TAFA2: variants seen among roughly 807,000 people sequenced by gnomAD.
The protein encoded by TAFA2 is chemokine-like protein TAFA-2.
In TAFA2, 7 loss-of-function variants were observed where a neutral mutation model predicts 18.8. That is an observed-to-expected ratio of 0.37 (90% CI 0.21 to 0.70). The LOEUF is 0.70. Among genes scored for constraint, TAFA2 ranks in the 30% least tolerant of loss-of-function variants. TAFA2 has a pLI of 0.53. For missense variants in TAFA2, 122 were observed against 158.1 expected (o/e 0.77, Z 1.23); for synonymous variants, 60 against 54.2 (o/e 1.11, Z -0.47).
chr12:62,066,438 C>G (rs1163714957), intron 1 of TAFA2, among the ~76,000 whole-genome samples: 2 of 151,858 alleles, frequency 1.3e-5, no homozygotes. Flanking sequence ...TCACTTCCCC[C>G]ACTTCCCCCC....
At chr12:62,006,181 T>C (rs1312076263) in intron 1 of TAFA2, among the ~76,000 whole-genome samples, 1 of 152,228 alleles carries the variant, frequency 6.6e-6, no homozygotes, top group Non-Finnish European at 1.5e-5. Flanking sequence ...GATGATACTT[T>C]TGTTTTGTAA....
At chr12:62,135,824 C>G (rs1045543345) in intron 1 of TAFA2, 2 of 152,042 alleles carry the variant, frequency 1.3e-5, no homozygotes, top group Non-Finnish European at 2.9e-5. Context: ...GGTCAGTAGA[C>G]AGTTAAAAAG....
At position 62,005,226 on chromosome 12, in the gene TAFA2, T is replaced by C. The variant is rs1483822267; in HGVS notation, c.-1-137800A>G. Among the ~76,000 whole-genome samples the C allele has an allele frequency of 2.0e-5, 3 of 152,240 alleles. No homozygotes were observed. The East Asian group carries it at 5.8e-4, about 29-fold the overall frequency. On this transcript the variant is annotated intron_variant, in intron 1 of 4. Coordinates refer to ENST00000416284, the MANE Select transcript of TAFA2 (RefSeq NM_178539.5). Reference sequence around the variant, plus strand: ...AACTATGTGAGGTGACGGCAGTGTTTATTTGCTTGACTGTAGTAATCATTT... The same window carrying C: ...AACTATGTGAGGTGACGGCAGTGTTCATTTGCTTGACTGTAGTAATCATTT...
At chr12:61,922,425 A>G (rs1002369069) in intron 1 of TAFA2, among the ~76,000 whole-genome samples, 2 of 152,082 alleles carry the variant, frequency 1.3e-5, no homozygotes, top group Non-Finnish European at 2.9e-5. Context: ...AGGACTGGTT[A>G]AAAAGTGGGT....
chr12:62,174,193 G>T (rs1255745901), intron 1 of TAFA2, among the ~76,000 whole-genome samples: 1 of 152,162 alleles, frequency 6.6e-6, no homozygotes. Context: ...TCACACGCCT[G>T]TAGTCCCAGC....
chr12:62,004,554 AAG>A (rs927005081), intron 1 of TAFA2, among the ~76,000 whole-genome samples: 5 of 152,188 alleles, frequency 3.3e-5, no homozygotes, highest in Non-Finnish European at 7.4e-5. Flanking sequence ...GATATGAGTA[AAG>A]AGAGGGAAAA....
intron 4 of TAFA2, among the ~76,000 whole-genome samples, chr12:61,717,080 A>T (rs753421479): frequency 1.3e-5 from 2 of 152,342 alleles, no homozygotes; most frequent in East Asian, 3.9e-4. Flanking sequence ...GCTCTTACAC[A>T]TACATGAAAT....
chr12:62,150,740 C>G (rs1279993586), intron 1 of TAFA2, among the ~76,000 whole-genome samples: 1 of 151,620 alleles, frequency 6.6e-6, no homozygotes. Flanking sequence ...CCATCTCTAC[C>G]AAAAAAATAC....
At chr12:62,257,775 T>C (rs2062947665) in intron 1 of TAFA2, among the ~76,000 whole-genome samples, 1 of 152,216 alleles carries the variant, frequency 6.6e-6, no homozygotes, top group Non-Finnish European at 1.5e-5. Flanking sequence ...GCAGATATAA[T>C]CCCTGATTTA....
intron 1 of TAFA2, among the ~76,000 whole-genome samples, chr12:61,964,641 C>A (rs1200825443): frequency 1.3e-5 from 2 of 151,908 alleles, no homozygotes; most frequent in Non-Finnish European, 2.9e-5. Context: ...CCCTTTTCCT[C>A]ACTCCATACT....
At chr12:62,045,669 T>C (rs1881890349) in intron 1 of TAFA2, among the ~76,000 whole-genome samples, 1 of 152,224 alleles carries the variant, frequency 6.6e-6, no homozygotes, top group Admixed American at 6.5e-5. Context: ...TGTCAGATTC[T>C]AACCTGAAGC....
intron 1 of TAFA2, among the ~76,000 whole-genome samples, chr12:61,882,666 C>T (rs991259725): frequency 6.6e-6 from 1 of 152,144 alleles, no homozygotes; most frequent in Non-Finnish European, 1.5e-5. Context: ...CAATTTATTA[C>T]ATATAACTTT....
At chr12:61,769,903 C>A (rs1325169808) in intron 2 of TAFA2, among the ~76,000 whole-genome samples, 1 of 151,978 alleles carries the variant, frequency 6.6e-6, no homozygotes, top group East Asian at 1.9e-4. Flanking sequence ...ATCTGGATTG[C>A]CAGAAAAAGA....
At chr12:62,021,982 C>T (rs183576291) in intron 1 of TAFA2, 21 of 682,528 alleles carry the variant, frequency 3.1e-5, no homozygotes, top group African/African-American at 7.1e-5. Context: ...GAGCTTGTAA[C>T]GCAGAGACTC....
At chr12:61,928,405 G>A (rs1366758358) in intron 1 of TAFA2, among the ~76,000 whole-genome samples, 1 of 151,496 alleles carries the variant, frequency 6.6e-6, no homozygotes, top group Non-Finnish European at 1.5e-5. Context: ...GCCAAAAAAT[G>A]TATGATAAAG....
rs149921455 is a variant in TAFA2 at position 61,886,696 on chromosome 12, G to T, written c.-1-19270C>A. Among the ~76,000 whole-genome samples the T allele has an allele frequency of 7.3e-4, 111 of 152,262 alleles. 2 individuals carry two copies. Among genetic ancestry groups the T allele is most frequent in the African/African-American group, 2.5e-3 (102 of 41,538 alleles). ...GGGCTTACAGTCTAATTGAAAGGATGTACATTAACAAAAGGATTGGTTTTT... is the reference window on the plus strand; with the variant it reads ...GGGCTTACAGTCTAATTGAAAGGATTTACATTAACAAAAGGATTGGTTTTT... On this transcript the variant is annotated intron_variant, in intron 1 of 4. Transcript: ENST00000416284.
chr12:62,096,875 A>G (rs528364205), intron 1 of TAFA2, among the ~76,000 whole-genome samples: 4 of 152,236 alleles, frequency 2.6e-5, no homozygotes, highest in South Asian at 4.1e-4. Context: ...GCAGGTACAC[A>G]TACCTGTGCA....
chr12:61,964,721 G>A (rs1879009568), intron 1 of TAFA2, among the ~76,000 whole-genome samples: 1 of 151,748 alleles, frequency 6.6e-6, no homozygotes. Flanking sequence ...ACAGTGTGAG[G>A]TACTATTAAT....
chr12:61,941,814 T>A (rs1878032787), intron 1 of TAFA2, among the ~76,000 whole-genome samples: 1 of 152,092 alleles, frequency 6.6e-6, no homozygotes, highest in Non-Finnish European at 1.5e-5. Context: ...GCCCACGGAA[T>A]CTCGCTGATT....
Sources: gnomAD v4.1 joint callset for allele counts (sites outside exome capture counted in the v4.1 genomes callset) on GRCh38, gnomAD v4.1.1 for gene constraint, MANE v1.5 for transcripts, NCBI Gene and HGNC (gene_info 2026-07-23, HGNC 2026-07-21) for gene names.